ZNF385D: variants seen among roughly 807,000 people sequenced by gnomAD.
The protein encoded by ZNF385D is zinc finger protein 385D.
In ZNF385D, 15 loss-of-function variants were observed where a neutral mutation model predicts 35.8. The observed-to-expected ratio is 0.42, with a 90% CI of 0.28 to 0.64. The LOEUF (loss-of-function observed/expected upper bound fraction) is 0.64, where lower values mean the gene tolerates loss of function less well. Ranked by LOEUF, ZNF385D falls within the 30% of genes least tolerant of loss-of-function variation. The pLI is 0.23. For synonymous variants in ZNF385D, 212 were observed against 186.8 expected, an observed-to-expected ratio of 1.13 and a Z score of -1.10; for missense variants, 474 against 494.6, an observed-to-expected ratio of 0.96 and a Z score of 0.39.
chr3:21,587,398 G>A (rs1487796156), intron 2 of ZNF385D, among the ~76,000 whole-genome samples: 1 of 152,116 alleles, frequency 6.6e-6, no homozygotes, highest in East Asian at 1.9e-4. Flanking sequence ...GACATTTTTA[G>A]GATACAGGCT....
At chr3:21,840,826 T>G (rs3849553) in intron 3 of ZNF385D, among the ~76,000 whole-genome samples, 10,548 of 152,038 alleles carry the variant, frequency 0.069, 548 homozygotes, top group East Asian at 0.21. Context: ...CATATACTTA[T>G]TATATTGAAA....
At chr3:21,940,899 C>T (rs756219197) in intron 3 of ZNF385D, among the ~76,000 whole-genome samples, 1 of 152,106 alleles carries the variant, frequency 6.6e-6, no homozygotes, top group Non-Finnish European at 1.5e-5. Flanking sequence ...GAAGTTACTT[C>T]AAATAGAAAT....
At chr3:22,306,712 G>T (rs1173425692) in intron 2 of ZNF385D, among the ~76,000 whole-genome samples, 1 of 152,150 alleles carries the variant, frequency 6.6e-6, no homozygotes. Flanking sequence ...AGAATTGTCA[G>T]AGAGTTGGAG....
At chr3:22,114,315 A>T (rs1702699253) in intron 3 of ZNF385D, among the ~76,000 whole-genome samples, 1 of 152,124 alleles carries the variant, frequency 6.6e-6, no homozygotes, top group Non-Finnish European at 1.5e-5. Context: ...ATAAAATGTG[A>T]TACGTAGAAA....
intron 3 of ZNF385D, among the ~76,000 whole-genome samples, chr3:21,837,302 A>T (rs747911337): frequency 2.6e-5 from 4 of 152,100 alleles, no homozygotes; most frequent in African/African-American, 4.8e-5. Flanking sequence ...GCAATTTACT[A>T]TGTCCAGAAG....
rs1241417927 is a variant in ZNF385D, at chr3:21,468,422, AAAG to A, written c.440-31222_440-31220del. Among the ~76,000 whole-genome samples the A allele has an allele frequency of 8.5e-4, 128 of 151,170 alleles. 1 individual carries two copies. The highest frequency in any genetic ancestry group is 3.1e-3 in the African/African-American group (127 of 41,178). ...GTCTCAAAAAAAAAAAAAAAAAAAA[AAAG>A]TATATGCAGACATTCAGAGTATAAT... On this transcript the variant is annotated intron_variant, in intron 4 of 7. Transcript: ENST00000281523.
At chr3:21,681,970 T>C (rs1242997346) in intron 1 of ZNF385D, among the ~76,000 whole-genome samples, 1 of 152,090 alleles carries the variant, frequency 6.6e-6, no homozygotes, top group Non-Finnish European at 1.5e-5. Flanking sequence ...TATCAGATGA[T>C]AGTGAAAACC....
intron 3 of ZNF385D, among the ~76,000 whole-genome samples, chr3:21,775,264 G>C (rs1444180330): frequency 6.6e-6 from 1 of 151,764 alleles, no homozygotes. Flanking sequence ...ATGCAGGGTT[G>C]CAAAGTATTT....
intron 3 of ZNF385D, among the ~76,000 whole-genome samples, chr3:21,860,929 C>G (rs1351876164): frequency 6.6e-6 from 1 of 152,072 alleles, no homozygotes; most frequent in African/African-American, 2.4e-5. Flanking sequence ...TTTAGTTGCC[C>G]TGATTTCTTT....
intron 3 of ZNF385D, among the ~76,000 whole-genome samples, chr3:22,117,550 G>C (rs1296808723): frequency 6.6e-6 from 1 of 151,368 alleles, no homozygotes. Flanking sequence ...AAAGGTATCT[G>C]AATTCACACT....
At position 21,709,830 on chromosome 3, in the gene ZNF385D, G is replaced by A. The variant is rs73819961; in HGVS notation, c.22+41065C>T. Among the ~76,000 whole-genome samples, 750 of 152,222 alleles carry A rather than the reference G, an allele frequency of 4.9e-3. 7 individuals are homozygous for A. Among genetic ancestry groups the A allele is most frequent in the African/African-American group, 0.017 (706 of 41,536 alleles). ...TTCCCAAGAAAAGTAAAAACTTTAC[G>A]AAAAACCTATTTGAAGATGTATACG... On this transcript the variant is annotated intron_variant, in intron 1 of 7. Transcript: ENST00000281523.
intron 3 of ZNF385D, chr3:22,134,267 A>T (rs952197800): frequency 6.6e-6 from 1 of 152,162 alleles, no homozygotes; most frequent in African/African-American, 2.4e-5. Flanking sequence ...TGTTATATTA[A>T]TATTAAACAA....
chr3:21,853,377 AAAT>A (rs1356386873), intron 3 of ZNF385D, among the ~76,000 whole-genome samples: 1 of 151,896 alleles, frequency 6.6e-6, no homozygotes, highest in Admixed American at 6.6e-5. Flanking sequence ...ATTAGATCAG[AAAT>A]AATATGTTCA....
At chr3:21,616,429 C>T (rs1395330833) in intron 2 of ZNF385D, among the ~76,000 whole-genome samples, 1 of 152,146 alleles carries the variant, frequency 6.6e-6, no homozygotes, top group Non-Finnish European at 1.5e-5. Context: ...CCCTTCAGTA[C>T]CTTCCATGAG....
chr3:21,926,454 G>A (rs1035779766), intron 3 of ZNF385D, among the ~76,000 whole-genome samples: 2 of 152,126 alleles, frequency 1.3e-5, no homozygotes, highest in Non-Finnish European at 2.9e-5. Flanking sequence ...TCCCTGCAAA[G>A]GACACGAACT....
intron 3 of ZNF385D, among the ~76,000 whole-genome samples, chr3:22,150,970 G>A (rs373758875): frequency 2.6e-5 from 4 of 152,102 alleles, no homozygotes; most frequent in South Asian, 2.1e-4. Flanking sequence ...TCTCAGATTG[G>A]CCCAAGACCC....
chr3:22,118,950 G>T (rs1229334588), intron 3 of ZNF385D, among the ~76,000 whole-genome samples: 1 of 152,074 alleles, frequency 6.6e-6, no homozygotes, highest in Non-Finnish European at 1.5e-5. Context: ...AAAATTTTTA[G>T]TTTTTAACAT....
intron 2 of ZNF385D, among the ~76,000 whole-genome samples, chr3:22,311,666 A>C (rs936399291): frequency 1.3e-5 from 2 of 152,136 alleles, no homozygotes; most frequent in African/African-American, 4.8e-5. Flanking sequence ...AATTCTGATT[A>C]AAGCTATGAT....
chr3:21,933,038 G>C (rs1020967136), intron 3 of ZNF385D, among the ~76,000 whole-genome samples: 8 of 152,146 alleles, frequency 5.3e-5, no homozygotes, highest in African/African-American at 1.4e-4. Context: ...GAACCCAAGA[G>C]AGACAGCGGA....
Sources: gnomAD v4.1 joint callset for allele counts (sites outside exome capture counted in the v4.1 genomes callset) on GRCh38, gnomAD v4.1.1 for gene constraint, MANE v1.5 for transcripts, NCBI Gene and HGNC (gene_info 2026-07-23, HGNC 2026-07-21) for gene names.